CD200R1: variants seen among roughly 807,000 people sequenced by gnomAD.
The protein encoded by CD200R1 is CD200 receptor 1.
A neutral mutation model predicts 38.1 loss-of-function variants in CD200R1; 30 were observed. The ratio of observed to expected loss-of-function variants is 0.79; its 90% CI spans 0.59 to 1.07. The LOEUF (loss-of-function observed/expected upper bound fraction) is 1.07, where lower values mean the gene tolerates loss of function less well. Among genes scored for constraint, CD200R1 ranks in the 50% least tolerant of loss-of-function variants. The pLI is 0.00. For missense variants in CD200R1, 372 were observed against 415.4 expected, an observed-to-expected ratio of 0.90 and a Z score of 0.91; for synonymous variants, 128 against 152.1, an observed-to-expected ratio of 0.84 and a Z score of 1.16.
chr3:112,960,460 A>G (rs1225450397), intron 1 of CD200R1, among the ~76,000 whole-genome samples: 5 of 152,088 alleles, frequency 3.3e-5, no homozygotes, highest in Admixed American at 3.3e-4. Flanking sequence ...TTTTGCAGAC[A>G]TTTGAAATTT....
At chr3:112,941,393 T>G (rs55949507) in intron 2 of CD200R1, among the ~76,000 whole-genome samples, 1,674 of 151,802 alleles carry the variant, frequency 0.011, 21 homozygotes, top group South Asian at 0.038. Context: ...TATCAAAATA[T>G]TACTATGTAC....
rs140598590 is a variant in CD200R1 at position 112,928,877 on chromosome 3, G to C, written c.708C>G (p.Thr236=). The change falls in exon 5 of 8, where the codon ACC becomes ACG. Residue 236 remains threonine, a synonymous_variant. Transcript: ENST00000308611. ...TCAAATGGGAGACGTGGCAGGTCAC[G>C]GTAGACACATTGTGGACCTCCCAGT... is the stretch of plus-strand genomic sequence containing the variant. ...TCHWEVHNVS[T]VTCHVSHLTG... 31 of 1,613,708 alleles carry C rather than the reference G, an allele frequency of 1.9e-5. No homozygotes were observed. Among genetic ancestry groups the C allele is most frequent in the Non-Finnish European group, 2.5e-5 (30 of 1,179,946 alleles).
chr3:112,972,465 T>C (rs1300420015), intron 1 of CD200R1, among the ~76,000 whole-genome samples: 2 of 152,062 alleles, frequency 1.3e-5, no homozygotes, highest in African/African-American at 4.8e-5. Flanking sequence ...TCAGTAACTT[T>C]TATAAAAGAT....
At position 112,921,220 on chromosome 3, in the gene CD200R1, G is replaced by A. The variant is rs180936693; in HGVS notation, c.*2457C>T. On this transcript the variant is annotated 3_prime_UTR_variant, in exon 8 of 8. Transcript: ENST00000308611. The stretch of plus-strand genomic sequence containing the variant: ...AACAAGAAAATTTTGGGGGGTGATG[G>A]ACAAGTTTATTATCTTGATTATGCT... 1 of 152,046 alleles carries A rather than the reference G, an allele frequency of 6.6e-6. No homozygotes were observed. The highest frequency in any genetic ancestry group is 1.9e-4 in the East Asian group (1 of 5,162). The allele number at this position is 152,046 out of a possible 1,614,324, so 9.4% of individuals were successfully genotyped here.
At chr3:112,962,700 T>C (rs1263705880) in intron 1 of CD200R1, among the ~76,000 whole-genome samples, 2 of 152,224 alleles carry the variant, frequency 1.3e-5, no homozygotes, top group Non-Finnish European at 2.9e-5. Context: ...AAATTACATG[T>C]ATCAGCTAAA....
intron 1 of CD200R1, among the ~76,000 whole-genome samples, chr3:112,960,781 A>T (rs530180606): frequency 9.9e-5 from 15 of 152,202 alleles, no homozygotes; most frequent in Admixed American, 7.2e-4. Flanking sequence ...GTCTGTTCTT[A>T]ACTGACATAA....
intron 1 of CD200R1, among the ~76,000 whole-genome samples, chr3:112,973,162 A>G (rs2107351901): frequency 6.6e-6 from 1 of 152,298 alleles, no homozygotes; most frequent in South Asian, 2.1e-4. Flanking sequence ...CCCAGGAGTA[A>G]CAGTGCAATT....
chr3:112,940,900 A>C (rs1468643253), intron 2 of CD200R1, among the ~76,000 whole-genome samples: 1 of 151,900 alleles, frequency 6.6e-6, no homozygotes, highest in Admixed American at 6.6e-5. Context: ...CAGGAAATCA[A>C]CCCAAACGCC....
Position 112,928,845 on chromosome 3 carries a change from T to C in CD200R1, c.740A>G (p.Asn247Ser). Residue 247 changes from asparagine to serine, a missense_variant, in exon 5 of 8, where the codon AAC becomes AGC. Coordinates refer to ENST00000308611, the MANE Select transcript of CD200R1 (RefSeq NM_138806.4). ...VTCHVSHLTGNKSLYIELLPV... is the reference protein window; with the variant it reads ...VTCHVSHLTGSKSLYIELLPV... ...AAGTAGCTCTATGTACAGACTCTTG[T>C]TGCCAGTCAAATGGGAGACGTGGCA... 2 of 1,613,604 alleles carry C rather than the reference T, an allele frequency of 1.2e-6. No individual in the cohort carries two copies. Among genetic ancestry groups the C allele is most frequent in the South Asian group, 1.1e-5 (1 of 91,060 alleles).
chr3:112,932,521 C>A (rs73853991), intron 2 of CD200R1, among the ~76,000 whole-genome samples: 1 of 151,866 alleles, frequency 6.6e-6, no homozygotes, highest in Non-Finnish European at 1.5e-5. Context: ...TCCTCCCCAA[C>A]AAACATGGCC....
Position 112,947,876 on chromosome 3 carries a change from C to T in CD200R1, c.116G>A (p.Ser39Asn), listed in dbSNP as rs201782143. 8 of 1,612,708 alleles carry T rather than the reference C, an allele frequency of 5.0e-6. No individual in the cohort carries two copies. Among genetic ancestry groups the T allele is most frequent in the Middle Eastern group, 1.7e-4 (1 of 6,060 alleles). Residue 39 changes from serine to asparagine, a missense_variant, in exon 2 of 8, where the codon AGC becomes AAC. Coordinates refer to ENST00000308611, the MANE Select transcript of CD200R1 (RefSeq NM_138806.4). ...ATTACCTAAAGCATGATTCTCCTTG[C>T]TAGTTTGCAGCATTAATGAGTTGTT... ...QPNNSLMLQT[S>N]KENHALASSS...
chr3:112,950,824 CA>C (rs1940957678), intron 1 of CD200R1, among the ~76,000 whole-genome samples: 2 of 151,988 alleles, frequency 1.3e-5, no homozygotes, highest in South Asian at 4.1e-4. Context: ...ACCCTTTGCT[CA>C]AAGAAGAAAT....
Position 112,926,570 on chromosome 3 carries a change from C to T in CD200R1, c.770-1377G>A, listed in dbSNP as rs542648353. Among the ~76,000 whole-genome samples the T allele has an allele frequency of 1.1e-4, 16 of 152,226 alleles. No individual in the cohort carries two copies. In the East Asian group the frequency reaches 2.9e-3, roughly 28 times the overall value. ...AGAATTTCCCTTCAATTCTGAGACA[C>T]TATAAATCTGACATCATATAGTAAT... On this transcript the variant is annotated intron_variant, in intron 5 of 7. Transcript: ENST00000308611.
At chr3:112,961,992 T>A (rs1384061697) in intron 1 of CD200R1, among the ~76,000 whole-genome samples, 1 of 151,996 alleles carries the variant, frequency 6.6e-6, no homozygotes, top group Non-Finnish European at 1.5e-5. Flanking sequence ...TTTAGAAAAG[T>A]AGGAAGTTTC....
At chr3:112,939,774 A>G (rs1400590598) in intron 2 of CD200R1, among the ~76,000 whole-genome samples, 1 of 151,054 alleles carries the variant, frequency 6.6e-6, no homozygotes, top group East Asian at 1.9e-4. Flanking sequence ...GTGTCATTTC[A>G]TTTAACAAAA....
chr3:112,957,885 G>C (rs1426428667), intron 1 of CD200R1, among the ~76,000 whole-genome samples: 1 of 152,092 alleles, frequency 6.6e-6, no homozygotes, highest in Non-Finnish European at 1.5e-5. Context: ...GTCATGCAAA[G>C]ATGTTCAATA....
At chr3:112,957,475 C>T (rs972370169) in intron 1 of CD200R1, among the ~76,000 whole-genome samples, 2 of 152,106 alleles carry the variant, frequency 1.3e-5, no homozygotes, top group African/African-American at 2.4e-5. Flanking sequence ...ACCCTTTACA[C>T]ATACACAAAA....
intron 2 of CD200R1, among the ~76,000 whole-genome samples, chr3:112,943,430 AT>A (rs1940771964): frequency 6.6e-6 from 1 of 151,778 alleles, no homozygotes; most frequent in Non-Finnish European, 1.5e-5. Flanking sequence ...TTTTAAATAA[AT>A]GAAAATGAAA....
intron 2 of CD200R1, among the ~76,000 whole-genome samples, chr3:112,939,825 A>G (rs1484002585): frequency 2.1e-5 from 3 of 140,450 alleles, no homozygotes; most frequent in African/African-American, 8.1e-5. Flanking sequence ...ACCACAAAAG[A>G]CCCGAAACAG....
Sources: allele counts gnomAD v4.1 joint callset (sites outside exome capture counted in the v4.1 genomes callset), GRCh38; gene constraint gnomAD v4.1.1; transcripts MANE v1.5; gene names NCBI Gene and HGNC (gene_info 2026-07-23, HGNC 2026-07-21).